NTRK3: variants seen among roughly 807,000 people sequenced by gnomAD.
NTRK3 encodes the protein neurotrophic receptor tyrosine kinase 3, also known as NT-3 growth factor receptor.
A neutral mutation model predicts 91.7 loss-of-function variants in NTRK3; 24 were observed. That is an observed-to-expected ratio of 0.26 (90% CI 0.19 to 0.37). The LOEUF is 0.37. NTRK3 is among the 10% of genes least tolerant of loss of function. The pLI is 1.00. For missense variants in NTRK3, 880 were observed against 1,068.9 expected, an observed-to-expected ratio of 0.82 and a Z score of 2.46; for synonymous variants, 483 against 404.0, an observed-to-expected ratio of 1.20 and a Z score of -2.34.
At chr15:88,256,126 A>G in exon 3 of NTRK3, 1 of 1,585,520 alleles carries the variant, frequency 6.3e-7, no homozygotes, top group Non-Finnish European at 8.6e-7. Flanking sequence ...CAGAAACTAC[A>G]CTTGGCTGGG....
intron 13 of NTRK3, among the ~76,000 whole-genome samples, chr15:88,049,837 G>A (rs1406778693): frequency 1.3e-5 from 2 of 152,204 alleles, no homozygotes; most frequent in Non-Finnish European, 2.9e-5. Context: ...TCTGCTAATC[G>A]AAGATGGTTC....
chr15:88,173,119 G>A (rs2045674672), intron 5 of NTRK3, among the ~76,000 whole-genome samples: 1 of 152,160 alleles, frequency 6.6e-6, no homozygotes, highest in Non-Finnish European at 1.5e-5. Flanking sequence ...TTTAAAAGAG[G>A]ACAATAAAGG....
chr15:88,008,796 T>C (rs2076669601), intron 14 of NTRK3, among the ~76,000 whole-genome samples: 1 of 152,162 alleles, frequency 6.6e-6, no homozygotes, highest in Admixed American at 6.5e-5. Flanking sequence ...TACTGAAATA[T>C]TATCTTGACC....
At chr15:88,143,381 TC>T (rs2042576891) in intron 6 of NTRK3, among the ~76,000 whole-genome samples, 1 of 152,226 alleles carries the variant, frequency 6.6e-6, no homozygotes, top group Non-Finnish European at 1.5e-5. Flanking sequence ...GGACGGGTTC[TC>T]CCGCAGAGCC....
At chr15:88,208,660 G>A (rs769824015) in intron 3 of NTRK3, among the ~76,000 whole-genome samples, 11 of 152,288 alleles carry the variant, frequency 7.2e-5, no homozygotes, top group South Asian at 2.1e-4. Context: ...GATTTGCTAC[G>A]TTGAATTAAA....
exon 19 of NTRK3, chr15:87,868,167 G>C (rs927929446): frequency 4.3e-6 from 1 of 231,532 alleles, no homozygotes; most frequent in African/African-American, 2.2e-5. Context: ...TTTTGTGTGT[G>C]TGTGTGCGCA....
At chr15:88,153,360 C>A (rs922367532) in intron 5 of NTRK3, among the ~76,000 whole-genome samples, 2 of 152,086 alleles carry the variant, frequency 1.3e-5, no homozygotes, top group South Asian at 2.1e-4. Flanking sequence ...CTTCTGCCTA[C>A]GCCTCCCGAG....
intron 14 of NTRK3, among the ~76,000 whole-genome samples, chr15:87,976,851 A>G (rs1426902115): frequency 2.0e-5 from 3 of 152,176 alleles, no homozygotes; most frequent in Non-Finnish European, 2.9e-5. Flanking sequence ...TCCACAGGGA[A>G]CATACAAAAC....
At chr15:88,105,007 C>A (rs1329254009) in intron 13 of NTRK3, among the ~76,000 whole-genome samples, 1 of 152,200 alleles carries the variant, frequency 6.6e-6, no homozygotes, top group Non-Finnish European at 1.5e-5. Context: ...CTAGTCCTGA[C>A]CCTCTTCATG....
chr15:87,879,266 T>C (rs570301677), intron 18 of NTRK3, among the ~76,000 whole-genome samples: 1 of 152,278 alleles, frequency 6.6e-6, no homozygotes, highest in South Asian at 2.1e-4. Flanking sequence ...AAAAGGGTCT[T>C]GTGTTTACAT....
intron 13 of NTRK3, among the ~76,000 whole-genome samples, chr15:88,080,491 T>A (rs2047947544): frequency 6.6e-6 from 1 of 152,252 alleles, no homozygotes; most frequent in South Asian, 2.1e-4. Context: ...CCATTTTACT[T>A]TCTAATTCTG....
chr15:87,955,139 G>T (rs1156924309), intron 14 of NTRK3, among the ~76,000 whole-genome samples: 1 of 152,180 alleles, frequency 6.6e-6, no homozygotes, highest in Non-Finnish European at 1.5e-5. Context: ...GGCATGGAGT[G>T]CATGCTAAAA....
At chr15:88,120,366 T>C (rs1432882680) in intron 13 of NTRK3, among the ~76,000 whole-genome samples, 1 of 152,212 alleles carries the variant, frequency 6.6e-6, no homozygotes, top group Non-Finnish European at 1.5e-5. Flanking sequence ...TAAGTACCTA[T>C]TAACTAACGC....
intron 13 of NTRK3, among the ~76,000 whole-genome samples, chr15:88,045,371 C>T (rs2080080378): frequency 2.0e-5 from 3 of 152,196 alleles, no homozygotes; most frequent in Admixed American, 2.0e-4. Flanking sequence ...CCAATTCAAG[C>T]TTCTCAGCTG....
At chr15:88,059,424 A>G (rs2046008100) in intron 13 of NTRK3, among the ~76,000 whole-genome samples, 1 of 152,064 alleles carries the variant, frequency 6.6e-6, no homozygotes, top group Non-Finnish European at 1.5e-5. Context: ...CTCCTCTATC[A>G]CCTATAAACC....
chr15:88,206,986 C>T (rs1236190639), intron 3 of NTRK3, among the ~76,000 whole-genome samples: 1 of 152,174 alleles, frequency 6.6e-6, no homozygotes, highest in Non-Finnish European at 1.5e-5. Flanking sequence ...TTGGTCAGCG[C>T]CCCAGGTCTA....
chr15:88,251,746 C>T (rs1309449288), intron 3 of NTRK3, among the ~76,000 whole-genome samples: 1 of 152,250 alleles, frequency 6.6e-6, no homozygotes, highest in Non-Finnish European at 1.5e-5. Flanking sequence ...CAGGCCCTCC[C>T]TTTCTCACAG....
chr15:88,081,172 G>C (rs190712245), intron 13 of NTRK3, among the ~76,000 whole-genome samples: 170 of 152,218 alleles, frequency 1.1e-3, no homozygotes, highest in African/African-American at 3.9e-3. Context: ...AGTGTGCCTG[G>C]CCAGGCTGAG....
At chr15:88,208,162 C>T (rs974481119) in intron 3 of NTRK3, among the ~76,000 whole-genome samples, 1 of 152,050 alleles carries the variant, frequency 6.6e-6, no homozygotes, top group Non-Finnish European at 1.5e-5. Flanking sequence ...TTCCAAACAG[C>T]CCATCCCCAA....
Sources: allele counts gnomAD v4.1 joint callset (sites outside exome capture counted in the v4.1 genomes callset), GRCh38; gene constraint gnomAD v4.1.1; transcripts MANE v1.5; gene names NCBI Gene and HGNC (gene_info 2026-07-23, HGNC 2026-07-21).